ACER3: variants seen among roughly 807,000 people sequenced by gnomAD.
The protein encoded by ACER3 is alkCDase 3.
Under a neutral mutation model 48.9 loss-of-function variants are expected in ACER3, and 16 were observed. The observed-to-expected ratio is 0.33, with a 90% CI of 0.22 to 0.50. The LOEUF is 0.50. Ranked by LOEUF, ACER3 falls within the 20% of genes least tolerant of loss-of-function variation. ACER3 has a pLI of 0.98. For synonymous variants in ACER3, 109 were observed against 107.8 expected (o/e 1.01, Z -0.07); for missense variants, 227 against 326.0 (o/e 0.70, Z 2.34).
At chr11:76,876,271 A>ATT (rs34935186) in intron 1 of ACER3, among the ~76,000 whole-genome samples, 2,109 of 147,972 alleles carry the variant, frequency 0.014, 51 homozygotes, top group African/African-American at 0.046. Context: ...CACTGTTCTG[A>ATT]TTTTTTTTTT....
chr11:76,998,894 T>C (rs1948970972), intron 7 of ACER3, 73 bp downstream of exon 7: 18 of 1,195,588 alleles, frequency 1.5e-5, no homozygotes, highest in Non-Finnish European at 2.0e-5. Flanking sequence ...ATAGCCTAAA[T>C]CAAAATAACA....
chr11:77,003,909 C>G (rs1949083263), intron 7 of ACER3, among the ~76,000 whole-genome samples: 1 of 152,146 alleles, frequency 6.6e-6, no homozygotes, highest in African/African-American at 2.4e-5. Context: ...AGAACACACT[C>G]TGCATGATTT....
At chr11:76,877,989 T>C (rs1945429884) in intron 1 of ACER3, among the ~76,000 whole-genome samples, 1 of 152,050 alleles carries the variant, frequency 6.6e-6, no homozygotes, top group Admixed American at 6.5e-5. Context: ...GAGAATTGAC[T>C]GTGTTGATGG....
chr11:76,896,926 T>TTTGTTG (rs112967745), intron 1 of ACER3, among the ~76,000 whole-genome samples: 11 of 151,768 alleles, frequency 7.2e-5, no homozygotes, highest in African/African-American at 2.2e-4. Flanking sequence ...AAGGGAGTTT[T>TTTGTTG]TTGTTGTTGT....
intron 3 of ACER3, among the ~76,000 whole-genome samples, chr11:76,969,344 G>A (rs1948229298): frequency 6.6e-6 from 1 of 152,150 alleles, no homozygotes; most frequent in Admixed American, 6.5e-5. Flanking sequence ...TACACTGTTG[G>A]TGGGACTGTA....
chr11:76,953,519 AC>A (rs1432588275), intron 2 of ACER3, among the ~76,000 whole-genome samples: 2 of 151,996 alleles, frequency 1.3e-5, no homozygotes, highest in East Asian at 3.9e-4. Flanking sequence ...AATCACTTGA[AC>A]CTGGGAGGCG....
At chr11:76,940,129 G>T (rs1053970582) in intron 2 of ACER3, among the ~76,000 whole-genome samples, 3 of 151,898 alleles carry the variant, frequency 2.0e-5, no homozygotes, top group Non-Finnish European at 2.9e-5. Flanking sequence ...TATGTTTATT[G>T]CTTTATTTTA....
At chr11:76,976,077 G>A (rs929045486) in intron 3 of ACER3, among the ~76,000 whole-genome samples, 1 of 151,814 alleles carries the variant, frequency 6.6e-6, no homozygotes, top group East Asian at 1.9e-4. Context: ...TGTAGAGACA[G>A]GATATTACTG....
intron 3 of ACER3, among the ~76,000 whole-genome samples, chr11:76,964,314 G>A (rs1948079255): frequency 1.3e-5 from 2 of 151,554 alleles, no homozygotes; most frequent in South Asian, 4.1e-4. Flanking sequence ...AAAGCGGCCG[G>A]GAAGCTCGAA....
At chr11:76,950,275 G>T (rs1298307735) in intron 2 of ACER3, among the ~76,000 whole-genome samples, 2 of 84,028 alleles carry the variant, frequency 2.4e-5, no homozygotes, top group Non-Finnish European at 7.3e-5. Context: ...CTTACCATAA[G>T]CCGGAGTAGA....
intron 1 of ACER3, among the ~76,000 whole-genome samples, chr11:76,882,267 G>C (rs1408330697): frequency 1.3e-5 from 2 of 150,460 alleles, no homozygotes; most frequent in Admixed American, 1.3e-4. Flanking sequence ...AACTGCCAAA[G>C]TGTTGGGATT....
Position 76,878,958 on chromosome 11 carries a change from T to G in ACER3, c.103+17879T>G, listed in dbSNP as rs190654249. On this transcript the variant is annotated intron_variant, in intron 1 of 10. Transcript: ENST00000532485. Reference sequence around the variant, plus strand: ...TTCTTGTGCTTCTTGGTCATCTGTATATCTTCTTTTGTGAAGTATCTTTTC... The same window carrying G: ...TTCTTGTGCTTCTTGGTCATCTGTAGATCTTCTTTTGTGAAGTATCTTTTC... 7.4e-4 allele frequency among the ~76,000 whole-genome samples: 112 copies of G among 152,266 alleles called. 1 individual carries two copies. Among genetic ancestry groups the G allele is most frequent in the African/African-American group, 2.6e-3 (108 of 41,578 alleles).
chr11:76,997,779 A>C (rs1948946349), intron 6 of ACER3, among the ~76,000 whole-genome samples: 1 of 152,200 alleles, frequency 6.6e-6, no homozygotes, highest in African/African-American at 2.4e-5. Context: ...TCAAGCCTGC[A>C]ATGAGCTATG....
intron 6 of ACER3, among the ~76,000 whole-genome samples, chr11:76,995,380 A>G (rs1651635511): frequency 6.6e-6 from 1 of 152,190 alleles, no homozygotes; most frequent in African/African-American, 2.4e-5. Context: ...GAGAGGCCTT[A>G]CCTAACAACT....
At chr11:76,990,721 T>C (rs1049742229) in intron 6 of ACER3, 147 bp downstream of exon 6, 30 of 585,384 alleles carry the variant, frequency 5.1e-5, no homozygotes, top group South Asian at 2.3e-4. Flanking sequence ...AAAAGGGAGG[T>C]TGTAAACTCA....
intron 5 of ACER3, among the ~76,000 whole-genome samples, chr11:76,988,082 A>G (rs557632238): frequency 1.3e-5 from 2 of 152,380 alleles, no homozygotes; most frequent in Admixed American, 1.3e-4. Flanking sequence ...CATGGAGTAC[A>G]AAGATTTCTA....
intron 6 of ACER3, among the ~76,000 whole-genome samples, chr11:76,997,528 A>C (rs1948940351): frequency 6.6e-6 from 1 of 152,204 alleles, no homozygotes; most frequent in African/African-American, 2.4e-5. Context: ...GCTTTATAGA[A>C]GGATACAGGG....
At chr11:76,865,190 G>A (rs1554988759) in intron 1 of ACER3, among the ~76,000 whole-genome samples, 1 of 122,334 alleles carries the variant, frequency 8.2e-6, no homozygotes, top group Non-Finnish European at 1.7e-5. Flanking sequence ...TTGCCATGTT[G>A]CCCAAGCTGG....
rs11236996 is a variant in ACER3 at position 76,882,360 on chromosome 11, A to C, written c.103+21281A>C. The stretch of plus-strand genomic sequence containing the variant: ...CATGTTGGGTAGTTTTGATTGACCT[A>C]TCTTTATGTTGACTTAGTTTTTTCT... On this transcript the variant is annotated intron_variant, in intron 1 of 10. Coordinates refer to ENST00000532485, the MANE Select transcript of ACER3 (RefSeq NM_018367.7). 1.5e-3 allele frequency among the ~76,000 whole-genome samples: 226 copies of C among 152,092 alleles called. 2 individuals are homozygous for C. The highest frequency in any genetic ancestry group is 5.2e-3 in the African/African-American group (215 of 41,512).
Sources: allele counts gnomAD v4.1 joint callset (sites outside exome capture counted in the v4.1 genomes callset), GRCh38; gene constraint gnomAD v4.1.1; transcripts MANE v1.5; gene names NCBI Gene and HGNC (gene_info 2026-07-23, HGNC 2026-07-21).